Variants in POLA1 observed in about 807,000 individuals in gnomAD.
The protein encoded by POLA1 is DNA polymerase alpha catalytic subunit.
A neutral mutation model predicts 124.0 loss-of-function variants in POLA1; 15 were observed. That is an observed-to-expected ratio of 0.12 (90% confidence interval 0.08 to 0.19). POLA1 has a LOEUF of 0.19. Among genes scored for constraint, POLA1 ranks in the 10% least tolerant of loss-of-function variants. The probability of loss-of-function intolerance (pLI) is 1.00; values close to 1 mark genes in which losing one functional copy is unlikely to be tolerated. For missense variants in POLA1, 886 were observed against 1,103.4 expected, an observed-to-expected ratio of 0.80 and a Z score of 2.79; for synonymous variants, 408 against 389.4, an observed-to-expected ratio of 1.05 and a Z score of -0.56.
chrX:24,903,941 CT>C (rs1249640020), intron 35 of POLA1, among the ~76,000 whole-genome samples: 80 of 86,575 alleles, frequency 9.2e-4, no homozygotes, highest in Admixed American at 1.7e-3. Context: ...TTCTTTCTTT[CT>C]TTTTTTTTTT....
chrX:24,728,887 G>A (rs1930715471), intron 15 of POLA1, among the ~76,000 whole-genome samples: 1 of 112,177 alleles, frequency 8.9e-6, no homozygotes, highest in Non-Finnish European at 1.9e-5. Context: ...AAGAAAAAGT[G>A]TGCTGACCCT....
At chrX:24,904,875 G>A (rs1041277593) in intron 35 of POLA1, among the ~76,000 whole-genome samples, 10 of 110,723 alleles carry the variant, frequency 9.0e-5, no homozygotes, top group Admixed American at 6.7e-4. Flanking sequence ...AAAGACAAGC[G>A]TTAGCCGGCG....
Position 24,757,436 on chromosome X carries a change from C to CTTTTTTTTTTTTTTTTTTTTTTTTT in POLA1, c.2964+8465_2964+8466insTTTTTTTTTTTTTTTTTTTTTTTTT, listed in dbSNP as rs66782103. Among the ~76,000 whole-genome samples the CTTTTTTTTTTTTTTTTTTTTTTTTT allele has an allele frequency of 8.0e-5, 5 of 62,136 alleles. 2 individuals carry two copies. The highest frequency in any genetic ancestry group is 4.1e-4 in the African/African-American group (5 of 12,224). The allele number at this position is 62,136 out of a possible 115,157, so 54.0% of individuals were successfully genotyped here. A position where few individuals can be genotyped will look rare whatever the true frequency, so the allele number is the denominator to read the frequency against. ...ATCTGAAATGCTCCAAAATCTGAAA[C>CTTTTTTTTTTTTTTTTTTTTTTTTT]TTTTTTTTTTTTTTTTTTTTTGAGA... On this transcript the variant is annotated intron_variant, in intron 26 of 36. Coordinates refer to ENST00000379068, the MANE Select transcript of POLA1 (RefSeq NM_001330360.2).
At chrX:24,839,919 C>G (rs190050447) in intron 32 of POLA1, among the ~76,000 whole-genome samples, 3 of 111,987 alleles carry the variant, frequency 2.7e-5, no homozygotes, top group Non-Finnish European at 5.6e-5. Context: ...TGGCCTCATT[C>G]AGCGGTGTGG....
intron 15 of POLA1, among the ~76,000 whole-genome samples, chrX:24,730,006 A>C (rs1930797585): frequency 9.1e-6 from 1 of 110,132 alleles, no homozygotes; most frequent in Admixed American, 9.7e-5. Context: ...CATGTTGCCC[A>C]GGCTGGTCTT....
intron 16 of POLA1, among the ~76,000 whole-genome samples, chrX:24,733,233 A>G (rs941794882): frequency 2.7e-5 from 3 of 112,226 alleles, no homozygotes; most frequent in East Asian, 2.8e-4. Flanking sequence ...GGTGGAACAC[A>G]TGGAACAAAA....
chrX:24,815,004 G>C lies in POLA1; in HGVS notation c.3322G>C (p.Asp1108His). ...CTTTGTGATTGGCCAGATTCTTTCT[G>C]ATCAAAGCCGGGACACTATAGTGGA... ...GNFVIGQILS[D>H]QSRDTIVENI... Residue 1108 changes from aspartate to histidine, a missense_variant, in exon 30 of 37, where the codon GAT (aspartate) becomes CAT (histidine). This residue lies in a region of POLA1 where 313 missense variants were observed against 359.7 expected (regional missense o/e 0.87). Coordinates refer to ENST00000379068, the MANE Select transcript of POLA1 (RefSeq NM_001330360.2). 1.1e-6 allele frequency: 1 copy of C among 933,816 alleles called. No homozygotes were observed. The highest frequency in any genetic ancestry group is 2.7e-5 in the South Asian group (1 of 37,558). 77.0% of individuals were successfully genotyped at this position (933,816 alleles called of 1,213,427 possible). A position where few individuals can be genotyped will look rare whatever the true frequency, so the allele number is the denominator to read the frequency against.
chrX:24,904,224 T>C (rs1201882097), intron 35 of POLA1, among the ~76,000 whole-genome samples: 3 of 110,587 alleles, frequency 2.7e-5, no homozygotes, highest in Non-Finnish European at 5.7e-5. Context: ...TAAGCCACCG[T>C]GCCTAGCGAT....
At chrX:24,789,948 C>G (rs999397595) in intron 26 of POLA1, among the ~76,000 whole-genome samples, 1 of 112,014 alleles carries the variant, frequency 8.9e-6, no homozygotes, top group Non-Finnish European at 1.9e-5. Flanking sequence ...CAAATACATT[C>G]TCTATCAGGA....
intron 20 of POLA1, among the ~76,000 whole-genome samples, chrX:24,740,086 G>C (rs192052724): frequency 9.0e-6 from 1 of 111,626 alleles, no homozygotes; most frequent in Non-Finnish European, 1.9e-5. Context: ...CACACTCAGT[G>C]TATCTGTTTT....
chrX:24,760,576 C>G (rs1054318300), intron 26 of POLA1, among the ~76,000 whole-genome samples: 3 of 112,016 alleles, frequency 2.7e-5, no homozygotes, highest in African/African-American at 9.7e-5. Flanking sequence ...AAGACACATC[C>G]CTGTCAAATT....
intron 26 of POLA1, among the ~76,000 whole-genome samples, chrX:24,795,809 A>G (rs1281240419): frequency 9.1e-6 from 1 of 109,792 alleles, no homozygotes; most frequent in Non-Finnish European, 1.9e-5. Flanking sequence ...CTTTCCGAAA[A>G]GGTTGCATAG....
At chrX:24,729,256 A>C (rs1930740588) in intron 15 of POLA1, among the ~76,000 whole-genome samples, 1 of 111,727 alleles carries the variant, frequency 9.0e-6, no homozygotes, top group African/African-American at 3.3e-5. Context: ...GTTTAACAGC[A>C]TCCCTGGTCT....
chrX:24,897,496 C>G (rs749560872), intron 35 of POLA1, among the ~76,000 whole-genome samples: 2 of 110,423 alleles, frequency 1.8e-5, no homozygotes, highest in East Asian at 5.7e-4. Context: ...CAGTGCATAC[C>G]CAAGTGATGT....
intron 26 of POLA1, among the ~76,000 whole-genome samples, chrX:24,758,585 G>A (rs1180731487): frequency 8.9e-6 from 1 of 112,470 alleles, no homozygotes; most frequent in Non-Finnish European, 1.9e-5. Context: ...TCTTGCCTGG[G>A]GTCTGTGAGT....
At chrX:24,718,308 A>T (rs1380652075) in intron 10 of POLA1, among the ~76,000 whole-genome samples, 1 of 111,246 alleles carries the variant, frequency 9.0e-6, no homozygotes, top group African/African-American at 3.3e-5. Context: ...TAAATTGATA[A>T]ATGATGTAAA....
chrX:24,739,670 T>A, intron 20 of POLA1, 120 bp downstream of exon 20: 1 of 424,019 alleles, frequency 2.4e-6, no homozygotes, highest in Non-Finnish European at 4.0e-6. Flanking sequence ...GGAAATTGTC[T>A]CTACTACTTT....
chrX:24,968,781 G>A (rs1254449957), intron 36 of POLA1, among the ~76,000 whole-genome samples: 6 of 110,288 alleles, frequency 5.4e-5, no homozygotes, highest in Non-Finnish European at 9.5e-5. Flanking sequence ...CTCTCCAAGC[G>A]TCTAGCACAG....
At chrX:24,980,740 G>A (rs768194195) in intron 36 of POLA1, among the ~76,000 whole-genome samples, 4 of 110,706 alleles carry the variant, frequency 3.6e-5, no homozygotes, top group East Asian at 2.8e-4. Context: ...GGCAAGTTGT[G>A]TGTGGAGATT....
Sources: gnomAD v4.1 joint callset for allele counts (sites outside exome capture counted in the v4.1 genomes callset) on GRCh38, gnomAD v4.1.1 for gene constraint, gnomAD v4.1.1 regional missense constraint, MANE v1.5 for transcripts, NCBI Gene and HGNC (gene_info 2026-07-23, HGNC 2026-07-21) for gene names.